Variants in ERLEC1 observed in about 807,000 individuals in gnomAD.
ERLEC1 encodes the protein ER lectin.
Under a neutral mutation model 68.0 loss-of-function variants are expected in ERLEC1, and 47 were observed. That is an observed-to-expected ratio of 0.69 (90% CI 0.55 to 0.88). The LOEUF (loss-of-function observed/expected upper bound fraction) is 0.88, where lower values mean the gene tolerates loss of function less well. Ranked by LOEUF, ERLEC1 falls within the 40% of genes least tolerant of loss-of-function variation. ERLEC1 has a pLI of 0.00. For missense variants in ERLEC1, 567 were observed against 583.8 expected, an observed-to-expected ratio of 0.97 and a Z score of 0.30; for synonymous variants, 225 against 203.2, an observed-to-expected ratio of 1.11 and a Z score of -0.91.
intron 8 of ERLEC1, among the ~76,000 whole-genome samples, chr2:53,804,066 G>T (rs978119175): frequency 1.3e-5 from 2 of 152,210 alleles, no homozygotes; most frequent in African/African-American, 2.4e-5. Flanking sequence ...GGGCAGCGGA[G>T]CTTGCAGTTA....
intron 8 of ERLEC1, among the ~76,000 whole-genome samples, chr2:53,807,395 T>C (rs1259344290): frequency 1.5e-5 from 2 of 136,488 alleles, no homozygotes; most frequent in Non-Finnish European, 3.1e-5. Flanking sequence ...TCTACTGTCC[T>C]CTGTGCCCTT....
rs150996496 is a variant in ERLEC1 at position 53,801,779 on chromosome 2, C to T, written c.816C>T (p.Leu272=). The T allele has an allele frequency of 1.2e-6, 2 of 1,613,820 alleles. No individual in the cohort carries two copies. Among genetic ancestry groups the T allele is most frequent in the African/African-American group, 2.7e-5 (2 of 74,918 alleles). ...QSLPGSPFKP[L]TLRQLEQQEE... ...TGCCAGGATCTCCATTTAAGCCCCT[C>T]ACCCTGAGGCAGCTGGAGCAGCAGG... Residue 272 remains leucine (L), a synonymous_variant, in exon 8 of 14, where the codon CTC becomes CTT. Coordinates refer to ENST00000185150, the MANE Select transcript of ERLEC1 (RefSeq NM_015701.5).
chr2:53,804,292 C>T (rs1264620906), intron 8 of ERLEC1, among the ~76,000 whole-genome samples: 1 of 151,404 alleles, frequency 6.6e-6, no homozygotes, highest in Non-Finnish European at 1.5e-5. Context: ...TCACTCTTTC[C>T]CCTAAGCTGG....
chr2:53,815,809 A>C (rs563796936), intron 13 of ERLEC1, among the ~76,000 whole-genome samples: 8 of 152,166 alleles, frequency 5.3e-5, no homozygotes, highest in Admixed American at 3.3e-4. Flanking sequence ...CATCCATAGA[A>C]TATGTAGTGA....
Position 53,817,926 on chromosome 2 carries a change from T to C in ERLEC1, c.1409T>C (p.Leu470Ser). 1 of 1,608,048 alleles carries C rather than the reference T, an allele frequency of 6.2e-7. No individual in the cohort carries two copies. The highest frequency in any genetic ancestry group is 1.1e-5 in the South Asian group (1 of 90,934). The change falls in exon 14 of 14, where the codon TTA (leucine) becomes TCA (serine). Residue 470 changes from leucine (L) to serine (S), a missense_variant. Transcript: ENST00000185150. ...GAATCTCCAGTGATCTGTAAAATCT[T>C]AGATACAGCAGATGAAAATGGACTT... ...GVESPVICKILDTADENGLLS... is the reference protein window; with the variant it reads ...GVESPVICKISDTADENGLLS...
rs1434676052 is a variant in ERLEC1, at chr2:53,818,036, T to G, written c.*67T>G. ...ATGATAATTTCTGTCCCACTGTGTC[T>G]CATTATAGAGTTCTCAGCCATTGGA... is the stretch of plus-strand genomic sequence containing the variant. On this transcript the variant is annotated 3_prime_UTR_variant, in exon 14 of 14. Transcript: ENST00000185150. 9.5e-7 allele frequency: 1 copy of G among 1,052,956 alleles called. No individual in the cohort carries two copies. Among genetic ancestry groups the G allele is most frequent in the African/African-American group, 1.6e-5 (1 of 64,106 alleles). 65.2% of individuals were successfully genotyped at this position (1,052,956 alleles called of 1,614,324 possible). A position where few individuals can be genotyped will look rare whatever the true frequency, so the allele number is the denominator to read the frequency against.
chr2:53,789,555 C>G (rs540955747), intron 1 of ERLEC1, among the ~76,000 whole-genome samples: 7 of 152,274 alleles, frequency 4.6e-5, no homozygotes, highest in Admixed American at 6.5e-5. Context: ...ACCATTGCAT[C>G]TGGCTTTTTT....
At chr2:53,790,826 AT>A (rs1375633498) in intron 1 of ERLEC1, among the ~76,000 whole-genome samples, 1 of 152,202 alleles carries the variant, frequency 6.6e-6, no homozygotes, top group African/African-American at 2.4e-5. Context: ...TAATTATGAT[AT>A]TCTTTGCTTA....
rs572688015 is a variant in ERLEC1, at chr2:53,805,281, C to T, written c.880-3018C>T. On this transcript the variant is annotated intron_variant, in intron 8 of 13. Transcript: ENST00000185150. ...CAGATGATCCACCCACCTCAGCCTC[C>T]CAAAGTACGGGATTACAGACATGAG... Among the ~76,000 whole-genome samples the T allele has an allele frequency of 2.2e-3, 342 of 152,208 alleles. 2 individuals carry two copies. The highest frequency in any genetic ancestry group is 8.0e-3 in the African/African-American group (334 of 41,534).
chr2:53,787,674 G>A, intron 1 of ERLEC1: 1 of 312,502 alleles, frequency 3.2e-6, no homozygotes, highest in Non-Finnish European at 5.8e-6. Context: ...GTAGAATAAC[G>A]TCAGGTGCAC....
rs1443478075 is a variant in ERLEC1 at position 53,810,753 on chromosome 2, GT to G, written c.1101+1487del. 5.3e-5 allele frequency among the ~76,000 whole-genome samples: 8 copies of G among 152,068 alleles called. No individual in the cohort carries two copies. The East Asian group carries it at 1.2e-3, about 22-fold the overall frequency. On this transcript the variant is annotated intron_variant, in intron 10 of 13. Coordinates refer to ENST00000185150, the MANE Select transcript of ERLEC1 (RefSeq NM_015701.5). Reference sequence around the variant, plus strand: ...GCATCCATAGACTAGGATGTGTTCGGTTTTTTTGTTTTGTTTTGTTTTGTTT... The same window carrying G: ...GCATCCATAGACTAGGATGTGTTCGGTTTTTTGTTTTGTTTTGTTTTGTTT...
rs112083710 is a variant in ERLEC1 at position 53,803,496 on chromosome 2, G to T, written c.879+1654G>T. ...TAATGTGTTTAGTCTGGGCATGGTG[G>T]CTCATGCCTATAATCCCAACACTTT... On this transcript the variant is annotated intron_variant, in intron 8 of 13. Transcript: ENST00000185150. Among the ~76,000 whole-genome samples, 361 of 152,052 alleles carry T rather than the reference G, an allele frequency of 2.4e-3. 2 individuals are homozygous for T. Among genetic ancestry groups the T allele is most frequent in the African/African-American group, 8.4e-3 (348 of 41,456 alleles).
At chr2:53,817,602 T>G (rs530167127) in intron 13 of ERLEC1, among the ~76,000 whole-genome samples, 78 of 152,348 alleles carry the variant, frequency 5.1e-4, no homozygotes, top group African/African-American at 1.4e-3. Context: ...TATTTTGCCA[T>G]AATGTTCTAT....
At chr2:53,804,890 T>A (rs1195451621) in intron 8 of ERLEC1, among the ~76,000 whole-genome samples, 1 of 151,952 alleles carries the variant, frequency 6.6e-6, no homozygotes, top group East Asian at 1.9e-4. Context: ...ATCCCGTAAA[T>A]AAGTGAGAAC....
At chr2:53,798,254 A>C (rs1035684768) in intron 5 of ERLEC1, among the ~76,000 whole-genome samples, 1 of 152,002 alleles carries the variant, frequency 6.6e-6, no homozygotes, top group African/African-American at 2.4e-5. Flanking sequence ...CTTTCAAAGA[A>C]GTCTTTGTTT....
chr2:53,800,403 T>G (rs957837425), intron 6 of ERLEC1, among the ~76,000 whole-genome samples: 2 of 152,138 alleles, frequency 1.3e-5, no homozygotes, highest in Non-Finnish European at 2.9e-5. Flanking sequence ...ATTATTCTGC[T>G]TTTACAAATG....
At chr2:53,795,781 T>C (rs1282283481) in intron 2 of ERLEC1, 152 bp from the exon 3 acceptor site, 6 of 515,138 alleles carry the variant, frequency 1.2e-5, no homozygotes, top group African/African-American at 4.0e-5. Flanking sequence ...TTGAAAGCAA[T>C]GGCGTACCGT....
At chr2:53,807,767 G>C (rs1676370029) in intron 8 of ERLEC1, among the ~76,000 whole-genome samples, 1 of 152,084 alleles carries the variant, frequency 6.6e-6, no homozygotes, top group Non-Finnish European at 1.5e-5. Flanking sequence ...AGCACTTTGG[G>C]AGTCCGAGGT....
intron 1 of ERLEC1, among the ~76,000 whole-genome samples, chr2:53,791,996 C>T (rs1428126483): frequency 1.3e-5 from 2 of 152,014 alleles, no homozygotes; most frequent in East Asian, 3.9e-4. Context: ...TCTGCAAGCT[C>T]CGCCTCCCGG....
Sources: allele counts gnomAD v4.1 joint callset (sites outside exome capture counted in the v4.1 genomes callset), GRCh38; gene constraint gnomAD v4.1.1; transcripts MANE v1.5; gene names NCBI Gene and HGNC (gene_info 2026-07-23, HGNC 2026-07-21).